The following CNTN2 variants were observed in gnomAD, a reference collection of about 807,000 sequenced individuals.
The protein encoded by CNTN2 is contactin 2, also known as contactin-2.
A neutral mutation model predicts 117.5 loss-of-function variants in CNTN2; 53 were observed. That is an observed-to-expected ratio of 0.45 (90% CI 0.36 to 0.57). The LOEUF is 0.57. Among genes scored for constraint, CNTN2 ranks in the 20% least tolerant of loss-of-function variants. The pLI, the probability that CNTN2 is intolerant of heterozygous loss-of-function variation, is 0.00. For missense variants in CNTN2, 1,106 were observed against 1,404.3 expected (o/e 0.79, Z 3.39); for synonymous variants, 530 against 561.7 (o/e 0.94, Z 0.80).
At chr1:205,055,746 G>A (rs911451217) in intron 2 of CNTN2, among the ~76,000 whole-genome samples, 5 of 152,124 alleles carry the variant, frequency 3.3e-5, no homozygotes, top group African/African-American at 1.2e-4. Context: ...TCTCGCTGTG[G>A]GATCTGGGGC....
rs1574664929 is a variant in CNTN2, at chr1:205,073,518, C to T, written c.3014-138C>T. 1.2e-6 allele frequency: 1 copy of T among 807,242 alleles called. No homozygotes were observed. The highest frequency in any genetic ancestry group is 1.7e-5 in the African/African-American group (1 of 58,904). 50.0% of individuals were successfully genotyped at this position (807,242 alleles called of 1,614,324 possible). On this transcript the variant is annotated intron_variant, in intron 22 of 22. Transcript: ENST00000331830. This position sits in a 1 kb window ranked among gnomAD's most constrained non-coding sequence, Gnocchi z 6.3. ...CCTACAAAGCACCGTAGGAGTCGGA[C>T]TGAGAAGACCACCCAGCCGTCCGCT... is the stretch of plus-strand genomic sequence containing the variant.
Position 205,058,432 on chromosome 1 carries a change from G to A in CNTN2, c.391+76G>A. The A allele has an allele frequency of 6.5e-7, 1 of 1,541,358 alleles. No homozygotes were observed. Among genetic ancestry groups the A allele is most frequent in the East Asian group, 2.3e-5 (1 of 43,452 alleles). ...AGGAGAAATTACTGAGAAAGGATAA[G>A]GGACACCCTCAAGCCGGGCCTTCCT... On this transcript the variant is annotated intron_variant, in intron 4 of 22. Transcript: ENST00000331830. The surrounding 1 kb of genome is among the most constrained non-coding windows in gnomAD (Gnocchi z 4.3).
chr1:205,074,489 A>G lies in CNTN2; in HGVS notation c.*724A>G, dbSNP rs1654762120. On this transcript the variant is annotated 3_prime_UTR_variant, in exon 23 of 23. Transcript: ENST00000331830. ...AGGGGCACCAGCCTTGGTCTGAGAT[A>G]GTCACAACCCAGGTGACGATGCCCT... 2 of 398,192 alleles carry G rather than the reference A, an allele frequency of 5.0e-6. No individual in the cohort carries two copies. Among genetic ancestry groups the G allele is most frequent in the Non-Finnish European group, 8.8e-6 (2 of 226,172 alleles). 24.7% of individuals were successfully genotyped at this position (398,192 alleles called of 1,614,324 possible). A position where few individuals can be genotyped will look rare whatever the true frequency, so the allele number is the denominator to read the frequency against.
rs140963950 is a variant in CNTN2, at chr1:205,061,944, C to T, written c.1053C>T (p.Ala351=). ...ACCTGCGTTGGGGCTGTGCAGCCGC[C>T]GGCAAGCCCCGGCCTACAGTGCGCT... ...GSNLRWGCAA[A]GKPRPTVRWL... The change falls in exon 9 of 23, where the codon GCC becomes GCT. Residue 351 remains alanine, a synonymous_variant. Transcript: ENST00000331830. The surrounding 1 kb of genome is among the most constrained non-coding windows in gnomAD (Gnocchi z 4.8). 47 of 1,610,180 alleles carry T rather than the reference C, an allele frequency of 2.9e-5. 1 individual carries two copies. Among genetic ancestry groups the T allele is most frequent in the South Asian group, 4.4e-5 (4 of 90,612 alleles).
chr1:205,066,582 G>A lies in CNTN2; in HGVS notation c.1958G>A (p.Trp653Ter). ...GCTCGCACTCCACCTGCAGGGAAGT[G>A]GAAGCAGGTTCGGACCAGTAAGTGT... Reference protein sequence around the residue: ...LQARTPPAGKWKQVRTNPANI... With the variant: ...LQARTPPAGK Residue 653 changes from tryptophan (W) to a stop codon, truncating the protein, a stop_gained, in exon 15 of 23, where the codon TGG becomes TAG. Transcript: ENST00000331830. LOFTEE classifies it high-confidence loss of function. The A allele has an allele frequency of 3.1e-6, 5 of 1,614,020 alleles. No individual in the cohort carries two copies. Among genetic ancestry groups the A allele is most frequent in the Non-Finnish European group, 3.4e-6 (4 of 1,180,012 alleles).
Position 205,061,832 on chromosome 1 carries a change from T to G in CNTN2, c.974-33T>G. 6.7e-7 allele frequency: 1 copy of G among 1,502,868 alleles called. No homozygotes were observed. The highest frequency in any genetic ancestry group is 8.9e-7 in the Non-Finnish European group (1 of 1,125,514). 93.1% of individuals were successfully genotyped at this position (1,502,868 alleles called of 1,614,324 possible). On this transcript the variant is annotated intron_variant, in intron 8 of 22. Coordinates refer to ENST00000331830, the MANE Select transcript of CNTN2 (RefSeq NM_005076.5). The surrounding 1 kb of genome is among the most constrained non-coding windows in gnomAD (Gnocchi z 4.8). ...TAATGAGCTGGAAGCTCCTCCTAGC[T>G]CATGCCAGGTTTTCTTTTCCGGGCT...
Position 205,058,353 on chromosome 1 carries a change from G to C in CNTN2, c.388G>C (p.Gly130Arg). Residue 130 changes from glycine (G) to arginine (R), a missense_variant, in exon 4 of 23, where the codon GGC (glycine) becomes CGC (arginine). Coordinates refer to ENST00000331830, the MANE Select transcript of CNTN2 (RefSeq NM_005076.5). The surrounding 1 kb of genome is among the most constrained non-coding windows in gnomAD (Gnocchi z 4.3). The part of the protein sequence containing the change: ...VVSREAILRF[G>R]FLQEFSKEER... ...CAGCAGGGAGGCCATCCTCCGCTTC[G>C]GCTGTGAGACCCGCGGGGGACCAAG... is the stretch of plus-strand genomic sequence containing the variant. 6.5e-7 allele frequency: 1 copy of C among 1,526,956 alleles called. No homozygotes were observed. Among genetic ancestry groups the C allele is most frequent in the Non-Finnish European group, 8.8e-7 (1 of 1,135,960 alleles). The allele number at this position is 1,526,956 out of a possible 1,614,324, so 94.6% of individuals were successfully genotyped here.
Position 205,061,332 on chromosome 1 carries a change from C to T in CNTN2, c.885C>T (p.Ser295=), listed in dbSNP as rs765220880. The part of the protein sequence containing the change: ...TTAEPTLQIP[S]VSFEDEGTYE... ...CTGAGCCCACCCTGCAGATCCCCAG[C>T]GTCAGCTTTGAGGATGAGGGCACCT... The change falls in exon 8 of 23, where the codon AGC becomes AGT. Residue 295 remains serine (S), a synonymous_variant. Coordinates refer to ENST00000331830, the MANE Select transcript of CNTN2 (RefSeq NM_005076.5). This position sits in a 1 kb window ranked among gnomAD's most constrained non-coding sequence, Gnocchi z 4.8. 13 of 1,613,972 alleles carry T rather than the reference C, an allele frequency of 8.1e-6. 1 individual carries two copies. Among genetic ancestry groups the T allele is most frequent in the South Asian group, 7.7e-5 (7 of 91,088 alleles).
chr1:205,068,328 A>G (rs1654414017), intron 16 of CNTN2: 1 of 152,268 alleles, frequency 6.6e-6, no homozygotes, highest in South Asian at 2.1e-4. Context: ...CTGGATGTGT[A>G]GTGAGGGTCC....
At chr1:205,049,843 A>T (rs761474077) in intron 1 of CNTN2, among the ~76,000 whole-genome samples, 1 of 152,214 alleles carries the variant, frequency 6.6e-6, no homozygotes, top group Admixed American at 6.5e-5. Flanking sequence ...AAAGTCCTGC[A>T]TATAAAGCAG....
chr1:205,061,043 G>T lies in CNTN2; in HGVS notation c.798-202G>T. 1.7e-6 allele frequency: 1 copy of T among 577,528 alleles called. No individual in the cohort carries two copies. Among genetic ancestry groups the T allele is most frequent in the South Asian group, 2.3e-5 (1 of 44,366 alleles). The allele number at this position is 577,528 out of a possible 1,614,324, so 35.8% of individuals were successfully genotyped here. A position where few individuals can be genotyped will look rare whatever the true frequency, so the allele number is the denominator to read the frequency against. On this transcript the variant is annotated intron_variant, in intron 7 of 22. Coordinates refer to ENST00000331830, the MANE Select transcript of CNTN2 (RefSeq NM_005076.5). This position sits in a 1 kb window ranked among gnomAD's most constrained non-coding sequence, Gnocchi z 4.8. Reference sequence around the variant, plus strand: ...CAGGGGGGATGGGTAGAGCAGCCCTGCCTCTTGCCCCTTCCCTGCGTGTGC... The same window carrying T: ...CAGGGGGGATGGGTAGAGCAGCCCTTCCTCTTGCCCCTTCCCTGCGTGTGC...
rs748201653 is a variant in CNTN2, at chr1:205,059,867, A to C, written c.797+185A>C. 1.7e-6 allele frequency: 1 copy of C among 594,246 alleles called. No individual in the cohort carries two copies. Among genetic ancestry groups the C allele is most frequent in the African/African-American group, 1.9e-5 (1 of 53,822 alleles). 36.8% of individuals were successfully genotyped at this position (594,246 alleles called of 1,614,324 possible). A position where few individuals can be genotyped will look rare whatever the true frequency, so the allele number is the denominator to read the frequency against. Reference sequence around the variant, plus strand: ...AGTACCTCTCTGGGTGAGGCATCGCATATGCCAGGGGCCTTCCATGGCCAG... The same window carrying C: ...AGTACCTCTCTGGGTGAGGCATCGCCTATGCCAGGGGCCTTCCATGGCCAG... On this transcript the variant is annotated intron_variant, in intron 7 of 22. Coordinates refer to ENST00000331830, the MANE Select transcript of CNTN2 (RefSeq NM_005076.5). This position sits in a 1 kb window ranked among gnomAD's most constrained non-coding sequence, Gnocchi z 5.6.
intron 10 of CNTN2, 63 bp downstream of exon 10, chr1:205,062,632 T>A (rs372784277): frequency 6.5e-7 from 1 of 1,549,372 alleles, no homozygotes; most frequent in African/African-American, 1.4e-5. Context: ...TTCAGAGCTC[T>A]GAGTTTAGGT....
At position 205,061,131 on chromosome 1, in the gene CNTN2, C is replaced by A. The variant is rs955207128; in HGVS notation, c.798-114C>A. 3.2e-5 allele frequency: 38 copies of A among 1,193,246 alleles called. No homozygotes were observed. The highest frequency in any genetic ancestry group is 5.2e-5 in the Admixed American group (2 of 38,724). The allele number at this position is 1,193,246 out of a possible 1,614,324, so 73.9% of individuals were successfully genotyped here. On this transcript the variant is annotated intron_variant, in intron 7 of 22. Transcript: ENST00000331830. The surrounding 1 kb of genome is among the most constrained non-coding windows in gnomAD (Gnocchi z 4.8). ...AGAAGGCACCCTCTCTCCCTCTGTT[C>A]CTCCCAGGCCCAGCATCTCAGGAGG...
chr1:205,061,980 C>G lies in CNTN2; in HGVS notation c.1089C>G (p.Asn363Lys). 1.2e-6 allele frequency: 2 copies of G among 1,613,340 alleles called. No homozygotes were observed. The highest frequency in any genetic ancestry group is 1.7e-6 in the Non-Finnish European group (2 of 1,179,798). Residue 363 changes from asparagine (N) to lysine (K), a missense_variant, in exon 9 of 23, where the codon AAC becomes AAG. Coordinates refer to ENST00000331830, the MANE Select transcript of CNTN2 (RefSeq NM_005076.5). This position sits in a 1 kb window ranked among gnomAD's most constrained non-coding sequence, Gnocchi z 4.8. Reference protein sequence around the residue: ...KPRPTVRWLRNGEPLASQNRV... With the variant: ...KPRPTVRWLRKGEPLASQNRV... ...GGCCTACAGTGCGCTGGCTGCGGAA[C>G]GGGGAGCCTCTGGCCTCCCAGGTAG...
rs972380989 is a variant in CNTN2 at position 205,061,718 on chromosome 1, C to T, written c.974-147C>T. The stretch of plus-strand genomic sequence containing the variant: ...TTTCTTGTGCCTCCTTCTTCCGGCC[C>T]CCTCCTCTTTGTCCTCTCCATCTCA... On this transcript the variant is annotated intron_variant, in intron 8 of 22. Transcript: ENST00000331830. This position sits in a 1 kb window ranked among gnomAD's most constrained non-coding sequence, Gnocchi z 4.8. The T allele has an allele frequency of 3.6e-6, 4 of 1,097,820 alleles. No individual in the cohort carries two copies. Among genetic ancestry groups the T allele is most frequent in the Non-Finnish European group, 3.9e-6 (3 of 775,122 alleles). 68.0% of individuals were successfully genotyped at this position (1,097,820 alleles called of 1,614,324 possible).
In CNTN2 at chr1:205,074,928, G is replaced by T; in HGVS notation, c.*1163G>T. The stretch of plus-strand genomic sequence containing the variant: ...CTGCTTGCATTTCCCCGGAGAAAAA[G>T]GGGTTAATAAATGGGCCATCCTTTC... On this transcript the variant is annotated 3_prime_UTR_variant, in exon 23 of 23. Coordinates refer to ENST00000331830, the MANE Select transcript of CNTN2 (RefSeq NM_005076.5). The T allele has an allele frequency of 2.5e-6, 1 of 398,636 alleles. No homozygotes were observed. The highest frequency in any genetic ancestry group is 4.4e-6 in the Non-Finnish European group (1 of 226,100). The allele number at this position is 398,636 out of a possible 1,614,324, so 24.7% of individuals were successfully genotyped here.
chr1:205,044,788 C>T (rs560610432), intron 1 of CNTN2, among the ~76,000 whole-genome samples: 6 of 152,300 alleles, frequency 3.9e-5, no homozygotes, highest in African/African-American at 1.2e-4. Flanking sequence ...CTGCTGTGAT[C>T]GCACCTGGAC....
In CNTN2 at chr1:205,048,352, C is replaced by A. The variant is rs1246462961; in HGVS notation, c.-86-4748C>A. Among the ~76,000 whole-genome samples the A allele has an allele frequency of 6.6e-6, 1 of 152,154 alleles. No homozygotes were observed. Among genetic ancestry groups the A allele is most frequent in the African/African-American group, 2.4e-5 (1 of 41,426 alleles). ...TCGTGTGTTGGAGCCCCACTCATAG[C>A]CTTCTGTCCCCCAGCTGTCCCCCAG... On this transcript the variant is annotated intron_variant, in intron 1 of 22. Transcript: ENST00000331830. This position sits in a 1 kb window ranked among gnomAD's most constrained non-coding sequence, Gnocchi z 4.1.
Sources: gnomAD v4.1 joint callset for allele counts (sites outside exome capture counted in the v4.1 genomes callset) on GRCh38, gnomAD v4.1.1 for gene constraint, Gnocchi (gnomAD v3.1) non-coding constraint, MANE v1.5 for transcripts, NCBI Gene and HGNC (gene_info 2026-07-23, HGNC 2026-07-21) for gene names.